ATP10B: variants seen among roughly 807,000 people sequenced by gnomAD.
The protein encoded by ATP10B is phospholipid-transporting ATPase VB.
A neutral mutation model predicts 141.2 loss-of-function variants in ATP10B; 122 were observed. The observed-to-expected ratio is 0.86, with a 90% CI of 0.75 to 1.00. The LOEUF is 1.00. Among genes scored for constraint, ATP10B ranks in the 50% least tolerant of loss-of-function variants. ATP10B has a pLI of 0.00. For missense variants in ATP10B, 1,876 were observed against 1,825.3 expected (o/e 1.03, Z -0.51); for synonymous variants, 685 against 692.0 (o/e 0.99, Z 0.16).
At chr5:160,771,862 G>A (rs7733308) in intron 2 of ATP10B, among the ~76,000 whole-genome samples, 23,716 of 152,138 alleles carry the variant, frequency 0.16, 2,662 homozygotes, top group East Asian at 0.42. Context: ...TCTCCCACTT[G>A]TTCGGTTCCA....
chr5:160,680,391 C>T (rs977942483), intron 6 of ATP10B, among the ~76,000 whole-genome samples: 1 of 152,246 alleles, frequency 6.6e-6, no homozygotes, highest in Non-Finnish European at 1.5e-5. Context: ...TTTTAGCATC[C>T]ATCAGTTAAG....
chr5:160,660,550 T>C lies in ATP10B; in HGVS notation c.675+9913A>G, dbSNP rs374090219. On this transcript the variant is annotated intron_variant, in intron 7 of 25. Transcript: ENST00000327245. ...GAGAGGAAAGACTCAAAAACATCCG[T>C]TTTCTCTACAGAGGACACTTAGGAG... is the stretch of plus-strand genomic sequence containing the variant. Among the ~76,000 whole-genome samples, 6 of 152,262 alleles carry C rather than the reference T, an allele frequency of 3.9e-5. No homozygotes were observed. In the East Asian group the frequency reaches 9.6e-4, roughly 24 times the overall value.
intron 22 of ATP10B, among the ~76,000 whole-genome samples, chr5:160,596,063 A>T (rs910864703): frequency 6.6e-6 from 1 of 151,994 alleles, no homozygotes. Flanking sequence ...TCATCCTGAT[A>T]CCAAAGCCGG....
chr5:160,654,295 TTC>T (rs1257390788), intron 7 of ATP10B, among the ~76,000 whole-genome samples: 6 of 151,936 alleles, frequency 3.9e-5, no homozygotes, highest in Non-Finnish European at 5.9e-5. Context: ...GTTCAGGAGT[TTC>T]TGATTCCCTT....
chr5:160,859,896 G>A, the ATP10B span, among the ~76,000 whole-genome samples: 3 of 151,834 alleles, frequency 2.0e-5, no homozygotes, highest in Non-Finnish European at 4.4e-5. Flanking sequence ...ATATTTGCAC[G>A]AACACAGTGA....
chr5:160,714,886 A>C (rs1351471345), intron 3 of ATP10B, among the ~76,000 whole-genome samples: 2 of 146,620 alleles, frequency 1.4e-5, no homozygotes, highest in African/African-American at 5.2e-5. Context: ...GTGAGGTGTC[A>C]GTGTGGCCCT....
the ATP10B span, among the ~76,000 whole-genome samples, chr5:160,864,528 CA>C: frequency 6.6e-6 from 1 of 151,766 alleles, no homozygotes; most frequent in African/African-American, 2.4e-5. Context: ...CAAGGATGCC[CA>C]TTTTCATTAC....
intron 2 of ATP10B, among the ~76,000 whole-genome samples, chr5:160,781,195 G>A (rs1229871729): frequency 6.6e-6 from 1 of 152,166 alleles, no homozygotes; most frequent in East Asian, 1.9e-4. Flanking sequence ...GAAATACATG[G>A]GGATCTTGAG....
chr5:160,794,544 G>T (rs1467199363), intron 1 of ATP10B, among the ~76,000 whole-genome samples: 2 of 152,168 alleles, frequency 1.3e-5, no homozygotes, highest in Non-Finnish European at 2.9e-5. Flanking sequence ...CACTGGGCTG[G>T]GATGAGATAA....
the ATP10B span, among the ~76,000 whole-genome samples, chr5:160,872,741 T>C: frequency 6.6e-6 from 1 of 152,246 alleles, no homozygotes; most frequent in Admixed American, 6.5e-5. Flanking sequence ...TATGTGCCTA[T>C]TTTTATACCA....
At chr5:160,760,831 C>A (rs1369838011) in intron 2 of ATP10B, among the ~76,000 whole-genome samples, 2 of 152,168 alleles carry the variant, frequency 1.3e-5, no homozygotes, top group Non-Finnish European at 2.9e-5. Flanking sequence ...GGCCTGAGAA[C>A]CACACCCTTA....
intron 3 of ATP10B, among the ~76,000 whole-genome samples, chr5:160,694,591 C>T (rs957043179): frequency 1.8e-4 from 27 of 152,196 alleles, no homozygotes; most frequent in African/African-American, 6.5e-4. Context: ...ACTTTCTCCA[C>T]GTTACCTGGC....
intron 6 of ATP10B, among the ~76,000 whole-genome samples, chr5:160,673,528 G>GTTTTTT (rs1202041912): frequency 3.5e-5 from 1 of 28,736 alleles, no homozygotes. Flanking sequence ...ATTCTATTTT[G>GTTTTTT]TTTTGTTTTT....
At chr5:160,782,112 C>T (rs1770757695) in intron 2 of ATP10B, among the ~76,000 whole-genome samples, 1 of 152,128 alleles carries the variant, frequency 6.6e-6, no homozygotes, top group Non-Finnish European at 1.5e-5. Context: ...AAGTTTCTTG[C>T]AAATCTCTTC....
chr5:160,794,148 A>G (rs1297758404), intron 1 of ATP10B, among the ~76,000 whole-genome samples: 1 of 152,208 alleles, frequency 6.6e-6, no homozygotes, highest in Non-Finnish European at 1.5e-5. Flanking sequence ...TTGAGGAGCT[A>G]ATATGTCCTA....
intron 9 of ATP10B, among the ~76,000 whole-genome samples, chr5:160,643,154 C>G (rs1759998796): frequency 6.6e-6 from 1 of 152,170 alleles, no homozygotes; most frequent in Non-Finnish European, 1.5e-5. Flanking sequence ...GGAAAGCTAG[C>G]TAAATCGTGA....
At chr5:160,862,341 T>C in the ATP10B span, among the ~76,000 whole-genome samples, 1 of 152,038 alleles carries the variant, frequency 6.6e-6, no homozygotes, top group African/African-American at 2.4e-5. Flanking sequence ...AGTTCATCTG[T>C]GGATAGCAGT....
At chr5:160,705,887 C>T (rs1764985054) in intron 3 of ATP10B, among the ~76,000 whole-genome samples, 1 of 152,184 alleles carries the variant, frequency 6.6e-6, no homozygotes, top group Admixed American at 6.5e-5. Flanking sequence ...TAATCATTTT[C>T]TAGCTTTTGA....
At chr5:160,624,062 A>G (rs1019870066) in intron 13 of ATP10B, among the ~76,000 whole-genome samples, 4 of 152,234 alleles carry the variant, frequency 2.6e-5, no homozygotes, top group Non-Finnish European at 4.4e-5. Context: ...GACCATTCCT[A>G]TCAGTGTTCT....
Sources: allele counts gnomAD v4.1 joint callset (sites outside exome capture counted in the v4.1 genomes callset), GRCh38; gene constraint gnomAD v4.1.1; transcripts MANE v1.5; gene names NCBI Gene and HGNC (gene_info 2026-07-23, HGNC 2026-07-21).